SHISA9: variants seen among roughly 807,000 people sequenced by gnomAD.
SHISA9 encodes shisa family member 9, also known as protein shisa-9.
SHISA9 carries 13 observed loss-of-function variants against 38.0 expected under a neutral mutation model. That is an observed-to-expected ratio of 0.34 (90% CI 0.22 to 0.54). SHISA9 has a LOEUF of 0.54. Among genes scored for constraint, SHISA9 ranks in the 20% least tolerant of loss-of-function variants. SHISA9 has a pLI of 0.91. For synonymous variants in SHISA9, 275 were observed against 242.0 expected (o/e 1.14, Z -1.27); for missense variants, 538 against 575.8 (o/e 0.93, Z 0.67).
intron 3 of SHISA9, among the ~76,000 whole-genome samples, chr16:13,209,153 A>T (rs1487148663): frequency 6.6e-6 from 1 of 152,216 alleles, no homozygotes; most frequent in Non-Finnish European, 1.5e-5. Flanking sequence ...TAAAGTTCTT[A>T]GCCTGACATA....
chr16:13,081,591 C>A (rs2073650254), intron 2 of SHISA9, among the ~76,000 whole-genome samples: 1 of 151,974 alleles, frequency 6.6e-6, no homozygotes, highest in African/African-American at 2.4e-5. Context: ...TCCTCCTCCA[C>A]CCGTGATTCC....
chr16:12,955,777 A>C lies in SHISA9; in HGVS notation c.691+38962A>C, dbSNP rs377111338. On this transcript the variant is annotated intron_variant, in intron 2 of 4. Coordinates refer to ENST00000558583, the MANE Select transcript of SHISA9 (RefSeq NM_001145204.3). ...TAACTCAAGATGAATTAAGGGCTTA[A>C]ATCTAAGACCTGGACCTATAAAAAT... Among the ~76,000 whole-genome samples, 9 of 152,344 alleles carry C rather than the reference A, an allele frequency of 5.9e-5. No homozygotes were observed. The East Asian group carries it at 1.7e-3, about 29-fold the overall frequency.
the SHISA9 span, among the ~76,000 whole-genome samples, chr16:13,327,151 C>CT: frequency 6.6e-6 from 1 of 152,112 alleles, no homozygotes; most frequent in Non-Finnish European, 1.5e-5. Flanking sequence ...ATTCCTGGTA[C>CT]TTTTTTAACG....
At chr16:13,158,794 C>T (rs1596689915) in intron 2 of SHISA9, among the ~76,000 whole-genome samples, 2 of 151,974 alleles carry the variant, frequency 1.3e-5, no homozygotes, top group South Asian at 4.2e-4. Flanking sequence ...TGGTGGCTCA[C>T]GCCTATAATC....
the SHISA9 span, among the ~76,000 whole-genome samples, chr16:13,494,350 G>C: frequency 6.6e-6 from 1 of 152,240 alleles, no homozygotes; most frequent in Non-Finnish European, 1.5e-5. Context: ...GTGAACAATT[G>C]GGGACACTAA....
In SHISA9 at chr16:12,992,316, G is replaced by C. The variant is rs189621452; in HGVS notation, c.691+75501G>C. Among the ~76,000 whole-genome samples, 8 of 150,170 alleles carry C rather than the reference G, an allele frequency of 5.3e-5. No homozygotes were observed. The East Asian group carries it at 1.4e-3, about 26-fold the overall frequency. ...GAGGCAGGTGGATCACTTGAGTTCAGGTGTTTGAGACAAGCCTGGCCAGCA... is the reference window on the plus strand; with the variant it reads ...GAGGCAGGTGGATCACTTGAGTTCACGTGTTTGAGACAAGCCTGGCCAGCA... On this transcript the variant is annotated intron_variant, in intron 2 of 4. Transcript: ENST00000558583.
chr16:12,956,302 C>G (rs1272369908), intron 2 of SHISA9, among the ~76,000 whole-genome samples: 3 of 152,132 alleles, frequency 2.0e-5, no homozygotes, highest in Non-Finnish European at 4.4e-5. Context: ...TAGTTTAACC[C>G]TTATGAGAAA....
chr16:13,266,114 G>A, the SHISA9 span, among the ~76,000 whole-genome samples: 1 of 152,170 alleles, frequency 6.6e-6, no homozygotes. Flanking sequence ...GCAATTGCAT[G>A]CACATAGTTA....
chr16:13,135,690 GA>G (rs1252084873), intron 2 of SHISA9, among the ~76,000 whole-genome samples: 1 of 152,032 alleles, frequency 6.6e-6, no homozygotes, highest in Non-Finnish European at 1.5e-5. Context: ...CTCAATCTTT[GA>G]CCTTATTATA....
the SHISA9 span, among the ~76,000 whole-genome samples, chr16:13,513,472 C>A: frequency 1.3e-5 from 2 of 152,154 alleles, no homozygotes; most frequent in Non-Finnish European, 2.9e-5. Context: ...ATTGACCCAG[C>A]AATCCCATTA....
chr16:13,146,565 A>G (rs570559202), intron 2 of SHISA9, among the ~76,000 whole-genome samples: 2 of 152,294 alleles, frequency 1.3e-5, no homozygotes, highest in South Asian at 4.1e-4. Context: ...TGTATGATCA[A>G]TTATTGTTGT....
At chr16:13,091,716 GT>G (rs1183277758) in intron 2 of SHISA9, among the ~76,000 whole-genome samples, 1 of 152,064 alleles carries the variant, frequency 6.6e-6, no homozygotes, top group Non-Finnish European at 1.5e-5. Flanking sequence ...TTTTTTCAAG[GT>G]TTTTAGCTTC....
the SHISA9 span, among the ~76,000 whole-genome samples, chr16:13,378,620 T>C: frequency 1.3e-5 from 2 of 152,340 alleles, no homozygotes; most frequent in East Asian, 1.9e-4. Flanking sequence ...TCATAATATA[T>C]GAGGTTCTCT....
At chr16:13,084,662 T>G (rs1258520131) in intron 2 of SHISA9, among the ~76,000 whole-genome samples, 7 of 152,214 alleles carry the variant, frequency 4.6e-5, no homozygotes, top group Non-Finnish European at 7.3e-5. Flanking sequence ...GTACGTGCTA[T>G]GAAGAGGTTC....
the SHISA9 span, among the ~76,000 whole-genome samples, chr16:13,272,693 G>A: frequency 3.8e-3 from 578 of 152,294 alleles, 5 homozygotes; most frequent in Non-Finnish European, 7.1e-3. Context: ...TACCAGTTAT[G>A]TGAGGATTGA....
At chr16:13,434,348 A>G in the SHISA9 span, among the ~76,000 whole-genome samples, 1 of 151,822 alleles carries the variant, frequency 6.6e-6, no homozygotes, top group Non-Finnish European at 1.5e-5. Flanking sequence ...CCCAGGAACA[A>G]TACTTTGCAT....
At chr16:13,492,498 G>C in the SHISA9 span, among the ~76,000 whole-genome samples, 1 of 152,244 alleles carries the variant, frequency 6.6e-6, no homozygotes. Flanking sequence ...ATGCTTTTTA[G>C]GCTGACATCA....
intron 2 of SHISA9, among the ~76,000 whole-genome samples, chr16:12,992,946 A>G (rs1262488683): frequency 6.6e-6 from 1 of 152,230 alleles, no homozygotes; most frequent in Non-Finnish European, 1.5e-5. Context: ...AACTGGGAAA[A>G]TTGAGGCATA....
At chr16:13,212,594 C>G (rs1053841158) in intron 3 of SHISA9, among the ~76,000 whole-genome samples, 12 of 152,210 alleles carry the variant, frequency 7.9e-5, no homozygotes, top group African/African-American at 2.7e-4. Context: ...AGATAACAAG[C>G]TTGATCTCGT....
Sources: allele counts gnomAD v4.1 joint callset (sites outside exome capture counted in the v4.1 genomes callset), GRCh38; gene constraint gnomAD v4.1.1; transcripts MANE v1.5; gene names NCBI Gene and HGNC (gene_info 2026-07-23, HGNC 2026-07-21).